DACH2: variants seen among roughly 807,000 people sequenced by gnomAD.
DACH2 encodes the protein dachshund family transcription factor 2, also known as dachshund homolog 2.
In DACH2, 17 loss-of-function variants were observed where a neutral mutation model predicts 35.8. That is an observed-to-expected ratio of 0.48 (90% CI 0.33 to 0.71). The LOEUF (loss-of-function observed/expected upper bound fraction) is 0.71, where lower values mean the gene tolerates loss of function less well. Ranked by LOEUF, DACH2 falls within the 30% of genes least tolerant of loss-of-function variation. The pLI is 0.02. For missense variants in DACH2, 469 were observed against 472.7 expected (o/e 0.99, Z 0.07); for synonymous variants, 195 against 177.3 (o/e 1.10, Z -0.79).
chrX:86,536,341 A>G (rs1192528698), intron 3 of DACH2, among the ~76,000 whole-genome samples: 2 of 111,631 alleles, frequency 1.8e-5, no homozygotes, highest in Non-Finnish European at 3.8e-5. Context: ...ACATTTCCTG[A>G]AGGAAATCAA....
rs546683848 is a variant in DACH2 at position 86,551,738 on chromosome X, C to T, written c.640+37347C>T. Among the ~76,000 whole-genome samples, 192 of 111,807 alleles carry T rather than the reference C, an allele frequency of 1.7e-3. 1 individual carries two copies. The highest frequency in any genetic ancestry group is 5.8e-3 in the African/African-American group (179 of 30,862). ...TCTTTTCACCTCAACATGCAACTTC[C>T]TTTCTGATGACTTAAATCCAATCTG... On this transcript the variant is annotated intron_variant, in intron 3 of 11. Coordinates refer to ENST00000373125, the MANE Select transcript of DACH2 (RefSeq NM_053281.3).
intron 2 of DACH2, among the ~76,000 whole-genome samples, chrX:86,440,104 T>C (rs1304807684): frequency 9.0e-6 from 1 of 111,675 alleles, no homozygotes; most frequent in Non-Finnish European, 1.9e-5. Context: ...TGTTGCTGGA[T>C]GAAGTAATCT....
intron 5 of DACH2, among the ~76,000 whole-genome samples, chrX:86,702,932 C>T (rs930827435): frequency 2.3e-4 from 26 of 111,089 alleles, no homozygotes; most frequent in African/African-American, 8.2e-4. Context: ...GCCAGTATCA[C>T]CTTGTTACCC....
intron 1 of DACH2, among the ~76,000 whole-genome samples, chrX:86,348,730 A>G (rs1332199669): frequency 8.9e-6 from 1 of 112,459 alleles, no homozygotes; most frequent in Non-Finnish European, 1.9e-5. Flanking sequence ...GAACCTGAGC[A>G]TTTGCACTTT....
At chrX:86,799,898 G>A (rs1203233957) in intron 7 of DACH2, among the ~76,000 whole-genome samples, 2 of 111,332 alleles carry the variant, frequency 1.8e-5, no homozygotes, top group African/African-American at 6.5e-5. Flanking sequence ...TCAGTACCAT[G>A]CTAAGTGTTT....
At chrX:86,282,234 G>A (rs915525529) in intron 1 of DACH2, among the ~76,000 whole-genome samples, 6 of 111,283 alleles carry the variant, frequency 5.4e-5, no homozygotes, top group African/African-American at 1.6e-4. Context: ...GAGGCATCAC[G>A]CTACCTGACT....
chrX:86,714,397 A>T, intron 5 of DACH2, 151 bp from the exon 6 acceptor site: 2 of 342,341 alleles, frequency 5.8e-6, no homozygotes, highest in Non-Finnish European at 1.0e-5. Context: ...ACAATATAAA[A>T]TAACACAGGT....
intron 7 of DACH2, among the ~76,000 whole-genome samples, chrX:86,766,857 T>C (rs2041940311): frequency 9.0e-6 from 1 of 111,514 alleles, no homozygotes; most frequent in Non-Finnish European, 1.9e-5. Context: ...TTTTTTCTTT[T>C]TCCTAGTGGC....
chrX:86,191,137 A>G (rs1457309170), intron 1 of DACH2, among the ~76,000 whole-genome samples: 1 of 111,410 alleles, frequency 9.0e-6, no homozygotes, highest in African/African-American at 3.3e-5. Context: ...GTATATACTC[A>G]AAGCAATATA....
intron 1 of DACH2, among the ~76,000 whole-genome samples, chrX:86,247,159 C>A (rs2033302854): frequency 9.0e-6 from 1 of 111,419 alleles, no homozygotes; most frequent in African/African-American, 3.3e-5. Flanking sequence ...AACACTGGAG[C>A]AGCTAGATTC....
chrX:86,629,557 T>G (rs1316327645), intron 3 of DACH2, among the ~76,000 whole-genome samples: 1 of 111,210 alleles, frequency 9.0e-6, no homozygotes, highest in East Asian at 2.8e-4. Flanking sequence ...TTAATTATAA[T>G]GTATAAAAAG....
chrX:86,231,864 G>A (rs2032955431), intron 1 of DACH2, among the ~76,000 whole-genome samples: 1 of 111,806 alleles, frequency 8.9e-6, no homozygotes, highest in African/African-American at 3.3e-5. Context: ...TCCCTGTGGT[G>A]CCAGGCAGGA....
At chrX:86,798,145 C>T (rs184288220) in intron 7 of DACH2, among the ~76,000 whole-genome samples, 18 of 112,132 alleles carry the variant, frequency 1.6e-4, no homozygotes, top group Admixed American at 9.5e-4. Flanking sequence ...AGAGCATAGT[C>T]TCCAAAGAGG....
chrX:86,336,720 A>G (rs753896000), intron 1 of DACH2, among the ~76,000 whole-genome samples: 1 of 110,877 alleles, frequency 9.0e-6, no homozygotes, highest in African/African-American at 3.3e-5. Context: ...TGGATTGAGA[A>G]TGAGTTTCAC....
At chrX:86,668,286 CTCT>C (rs2040723624) in intron 4 of DACH2, among the ~76,000 whole-genome samples, 1 of 112,012 alleles carries the variant, frequency 8.9e-6, no homozygotes, top group Non-Finnish European at 1.9e-5. Flanking sequence ...ATTTTTCAGT[CTCT>C]TGTTAATTTC....
intron 2 of DACH2, among the ~76,000 whole-genome samples, chrX:86,415,205 A>G (rs770132876): frequency 8.9e-6 from 1 of 112,073 alleles, no homozygotes; most frequent in Non-Finnish European, 1.9e-5. Flanking sequence ...TAAGACATAA[A>G]GCAATTTGGA....
chrX:86,433,401 C>A (rs1332127220), intron 2 of DACH2, among the ~76,000 whole-genome samples: 1 of 111,224 alleles, frequency 9.0e-6, no homozygotes, highest in Non-Finnish European at 1.9e-5. Flanking sequence ...TCAGATTTAT[C>A]CAGGGTAAGT....
chrX:86,179,132 A>T (rs917671318), intron 1 of DACH2, among the ~76,000 whole-genome samples: 10 of 111,795 alleles, frequency 8.9e-5, no homozygotes, highest in Non-Finnish European at 9.4e-5. Flanking sequence ...TTGTCTGCAG[A>T]TGGACCGTTA....
chrX:86,181,546 T>C (rs1239678338), intron 1 of DACH2, among the ~76,000 whole-genome samples: 1 of 111,742 alleles, frequency 8.9e-6, no homozygotes, highest in Non-Finnish European at 1.9e-5. Context: ...TAGTATTCCA[T>C]GGTGTATATG....
Sources: gnomAD v4.1 joint callset for allele counts (sites outside exome capture counted in the v4.1 genomes callset) on GRCh38, gnomAD v4.1.1 for gene constraint, MANE v1.5 for transcripts, NCBI Gene and HGNC (gene_info 2026-07-23, HGNC 2026-07-21) for gene names.